Variants in MAPK8 observed in about 807,000 individuals in gnomAD.
The protein encoded by MAPK8 is JUN N-terminal kinase.
MAPK8 carries 13 observed loss-of-function variants against 52.9 expected under a neutral mutation model. The observed-to-expected ratio is 0.25, with a 90% confidence interval of 0.16 to 0.39. The LOEUF is 0.39. Ranked by LOEUF, MAPK8 falls within the 10% of genes least tolerant of loss-of-function variation. MAPK8 has a pLI of 1.00. For missense variants in MAPK8, 300 were observed against 519.2 expected (o/e 0.58, Z 4.10); for synonymous variants, 191 against 169.8 (o/e 1.12, Z -0.97).
intron 2 of MAPK8, among the ~76,000 whole-genome samples, chr10:48,404,000 G>T (rs1341163208): frequency 6.6e-6 from 1 of 150,738 alleles, no homozygotes; most frequent in Non-Finnish European, 1.5e-5. Context: ...AGCCGGGATG[G>T]TCTCGATCTC....
In MAPK8 at chr10:48,373,736, G is replaced by A. The variant is rs188965311; in HGVS notation, c.-49-27876G>A. On this transcript the variant is annotated intron_variant, in intron 1 of 11. Coordinates refer to ENST00000374189, the MANE Select transcript of MAPK8 (RefSeq NM_001323329.2). ...AAATATATATGCACCTAATACAGTAGCACCCAGATTCATAAAGCAAGTTCT... is the reference window on the plus strand; with the variant it reads ...AAATATATATGCACCTAATACAGTAACACCCAGATTCATAAAGCAAGTTCT... 6.9e-3 allele frequency among the ~76,000 whole-genome samples: 1,043 copies of A among 152,060 alleles called. 14 individuals carry two copies. Among genetic ancestry groups the A allele is most frequent in the African/African-American group, 0.024 (984 of 41,480 alleles).
intron 1 of MAPK8, among the ~76,000 whole-genome samples, chr10:48,317,471 A>T (rs1246510988): frequency 6.6e-6 from 1 of 152,212 alleles, no homozygotes; most frequent in Non-Finnish European, 1.5e-5. Context: ...CCCCTGAATG[A>T]AACACTTTGA....
At chr10:48,419,330 A>G (rs2043224998) in intron 5 of MAPK8, among the ~76,000 whole-genome samples, 1 of 152,116 alleles carries the variant, frequency 6.6e-6, no homozygotes, top group South Asian at 2.1e-4. Context: ...TGTGTTGTGG[A>G]TTTATGCTTT....
At position 48,342,790 on chromosome 10, in the gene MAPK8, G is replaced by T. The variant is rs1045967337; in HGVS notation, c.-50+35969G>T. Among the ~76,000 whole-genome samples the T allele has an allele frequency of 6.6e-5, 10 of 152,170 alleles. No individual in the cohort carries two copies. The East Asian group carries it at 1.7e-3, about 26-fold the overall frequency. Reference sequence around the variant, plus strand: ...GGTTTTTGGATATGTTGAATTTGAGGTGCCTTTTGAATGTCCAGATGGAAA... The same window carrying T: ...GGTTTTTGGATATGTTGAATTTGAGTTGCCTTTTGAATGTCCAGATGGAAA... On this transcript the variant is annotated intron_variant, in intron 1 of 11. Coordinates refer to ENST00000374189, the MANE Select transcript of MAPK8 (RefSeq NM_001323329.2).
intron 1 of MAPK8, among the ~76,000 whole-genome samples, chr10:48,399,317 C>T (rs934632255): frequency 6.6e-6 from 1 of 152,240 alleles, no homozygotes; most frequent in Non-Finnish European, 1.5e-5. Flanking sequence ...TTGAATATTG[C>T]ATGACTGAGT....
chr10:48,377,041 A>G (rs1418530381), intron 1 of MAPK8, among the ~76,000 whole-genome samples: 1 of 152,202 alleles, frequency 6.6e-6, no homozygotes, highest in African/African-American at 2.4e-5. Context: ...ACAGCCATAA[A>G]AAGGATGAGT....
chr10:48,359,083 C>T (rs1847283061), intron 1 of MAPK8, among the ~76,000 whole-genome samples: 1 of 152,120 alleles, frequency 6.6e-6, no homozygotes, highest in Admixed American at 6.6e-5. Context: ...TTTGGTTTTG[C>T]TGATTCTTCT....
rs575429283 is a variant in MAPK8, at chr10:48,330,500, G to A, written c.-50+23679G>A. On this transcript the variant is annotated intron_variant, in intron 1 of 11. Coordinates refer to ENST00000374189, the MANE Select transcript of MAPK8 (RefSeq NM_001323329.2). ...AACCCAGCTGTCTGAAATTAAGCCA[G>A]ACCATAAAGGGATTTGCAGAAATGT... Among the ~76,000 whole-genome samples the A allele has an allele frequency of 3.9e-5, 6 of 152,284 alleles. No individual in the cohort carries two copies. The South Asian group carries it at 1.0e-3, about 26-fold the overall frequency.
chr10:48,321,027 T>C (rs954899081), intron 1 of MAPK8, among the ~76,000 whole-genome samples: 6 of 152,008 alleles, frequency 3.9e-5, no homozygotes, highest in African/African-American at 7.3e-5. Context: ...TCTGGAGAAG[T>C]ATTTCAGATT....
intron 1 of MAPK8, among the ~76,000 whole-genome samples, chr10:48,328,209 G>GCCAAC (rs1843722790): frequency 6.6e-6 from 1 of 151,930 alleles, no homozygotes; most frequent in Non-Finnish European, 1.5e-5. Context: ...GTAGAAATGG[G>GCCAAC]GATTTCACCA....
intron 9 of MAPK8, 33 bp from the exon 10 acceptor site, chr10:48,427,047 C>G (rs763004393): frequency 6.4e-7 from 1 of 1,554,746 alleles, no homozygotes; most frequent in Non-Finnish European, 8.9e-7. Flanking sequence ...TCCCAGCATA[C>G]TGACTTGGTT....
chr10:48,401,334 G>A (rs746452936), intron 1 of MAPK8, among the ~76,000 whole-genome samples: 9 of 151,996 alleles, frequency 5.9e-5, no homozygotes, highest in Non-Finnish European at 1.2e-4. Context: ...GCTTTCTTTT[G>A]TTCGTCTTGT....
At chr10:48,361,163 G>A (rs1270308009) in intron 1 of MAPK8, among the ~76,000 whole-genome samples, 1 of 152,146 alleles carries the variant, frequency 6.6e-6, no homozygotes, top group Non-Finnish European at 1.5e-5. Flanking sequence ...ATCGAGGAAC[G>A]TGACCCACTT....
Position 48,426,388 on chromosome 10 carries a change from G to T in MAPK8, c.880G>T (p.Ala294Ser). The T allele has an allele frequency of 6.2e-7, 1 of 1,607,500 alleles. No individual in the cohort carries two copies. The highest frequency in any genetic ancestry group is 8.5e-7 in the Non-Finnish European group (1 of 1,177,742). ...CACCATTATGTTTGCAGCCAGTCAG[G>T]CAAGGGATTTGTTATCCAAAATGCT... ...SEHNKLKASQ[A>S]RDLLSKMLVI... The change falls in exon 9 of 12, where the codon GCA becomes TCA. Residue 294 changes from alanine (A) to serine (S), a missense_variant. This residue lies in a region of MAPK8 where 147 missense variants were observed against 328.1 expected (regional missense o/e 0.45). Transcript: ENST00000374189.
At chr10:48,316,314 C>G (rs758476622) in intron 1 of MAPK8, among the ~76,000 whole-genome samples, 1 of 152,156 alleles carries the variant, frequency 6.6e-6, no homozygotes, top group African/African-American at 2.4e-5. Context: ...TGTACAGGTT[C>G]GTAGCCTAGG....
At chr10:48,414,568 ATTTTT>A (rs3047769) in intron 5 of MAPK8, among the ~76,000 whole-genome samples, 6 of 88,450 alleles carry the variant, frequency 6.8e-5, no homozygotes, top group Admixed American at 1.3e-4. Flanking sequence ...GTTGAAAAGA[ATTTTT>A]TTTTTTTTTT....
chr10:48,397,274 A>C (rs1400431974), intron 1 of MAPK8, among the ~76,000 whole-genome samples: 1 of 151,782 alleles, frequency 6.6e-6, no homozygotes, highest in Non-Finnish European at 1.5e-5. Context: ...TCAGCCTCCC[A>C]AATAGCTAGG....
At chr10:48,413,827 A>G (rs1200363602) in intron 5 of MAPK8, among the ~76,000 whole-genome samples, 3 of 86,818 alleles carry the variant, frequency 3.5e-5, no homozygotes, top group Non-Finnish European at 4.6e-5. Flanking sequence ...ATATATATAT[A>G]TATATATATA....
intron 1 of MAPK8, among the ~76,000 whole-genome samples, chr10:48,319,892 A>G (rs1050523344): frequency 1.3e-5 from 2 of 151,702 alleles, no homozygotes; most frequent in African/African-American, 2.4e-5. Flanking sequence ...TGTATCATGT[A>G]TCAGTACTTC....
Sources: allele counts gnomAD v4.1 joint callset (sites outside exome capture counted in the v4.1 genomes callset), GRCh38; gene constraint gnomAD v4.1.1; regional missense constraint gnomAD v4.1.1; transcripts MANE v1.5; gene names NCBI Gene and HGNC (gene_info 2026-07-23, HGNC 2026-07-21).